ZC3H12B: variants seen among roughly 807,000 people sequenced by gnomAD.
ZC3H12B encodes the protein probable ribonuclease ZC3H12B.
Under a neutral mutation model 43.9 loss-of-function variants are expected in ZC3H12B, and 7 were observed. That is an observed-to-expected ratio of 0.16 (90% CI 0.09 to 0.30). The LOEUF (loss-of-function observed/expected upper bound fraction) is 0.30. Ranked by LOEUF, ZC3H12B falls within the 10% of genes least tolerant of loss-of-function variation. The pLI is 1.00. For synonymous variants in ZC3H12B, 222 were observed against 241.7 expected, an observed-to-expected ratio of 0.92 and a Z score of 0.76; for missense variants, 475 against 670.2, an observed-to-expected ratio of 0.71 and a Z score of 3.22.
At chrX:65,177,799 T>C in the ZC3H12B span, among the ~76,000 whole-genome samples, 1 of 112,049 alleles carries the variant, frequency 8.9e-6, no homozygotes, top group East Asian at 2.8e-4. Context: ...GGAAAAACAT[T>C]CCATGCTCAT....
chrX:65,507,545 GT>G (rs2068438151), exon 5 of ZC3H12B: 1 of 112,247 alleles, frequency 8.9e-6, no homozygotes, highest in African/African-American at 3.2e-5. Context: ...AGCTATAGTA[GT>G]TTGCTTTATC....
the ZC3H12B span, among the ~76,000 whole-genome samples, chrX:65,118,300 A>T: frequency 9.0e-6 from 1 of 111,427 alleles, no homozygotes; most frequent in Non-Finnish European, 1.9e-5. Context: ...TTGGATTCTT[A>T]GGTATTTTAT....
At chrX:65,503,678 A>C (rs2068398856) in exon 5 of ZC3H12B, 1 of 108,801 alleles carries the variant, frequency 9.2e-6, no homozygotes, top group South Asian at 3.9e-4. Context: ...GTGCAGTGGC[A>C]CTATCTCTGC....
At chrX:65,112,633 A>C in the ZC3H12B span, among the ~76,000 whole-genome samples, 5 of 111,819 alleles carry the variant, frequency 4.5e-5, no homozygotes, top group Non-Finnish European at 9.4e-5. Flanking sequence ...AGCTCTATAG[A>C]TGGAACTATA....
At chrX:65,057,353 G>T in the ZC3H12B span, among the ~76,000 whole-genome samples, 1 of 111,392 alleles carries the variant, frequency 9.0e-6, no homozygotes, top group African/African-American at 3.3e-5. Context: ...AGCTTAGTTT[G>T]GCTGGATATG....
the ZC3H12B span, among the ~76,000 whole-genome samples, chrX:65,288,026 G>T: frequency 3.0e-5 from 3 of 99,420 alleles, no homozygotes; most frequent in Non-Finnish European, 5.7e-5. Flanking sequence ...AGACTATTAT[G>T]AACAGCTACA....
chrX:65,047,856 A>G, the ZC3H12B span, among the ~76,000 whole-genome samples: 2 of 110,347 alleles, frequency 1.8e-5, no homozygotes, highest in Non-Finnish European at 1.9e-5. Flanking sequence ...TTTAATTGGT[A>G]TATTTAGACT....
chrX:65,449,251 C>T (rs776098035), intron 3 of ZC3H12B, among the ~76,000 whole-genome samples: 7 of 110,796 alleles, frequency 6.3e-5, no homozygotes, highest in Non-Finnish European at 9.5e-5. Context: ...CACCATGGCA[C>T]ACGTTTATCT....
At chrX:65,346,464 C>A in the ZC3H12B span, among the ~76,000 whole-genome samples, 1 of 111,137 alleles carries the variant, frequency 9.0e-6, no homozygotes, top group African/African-American at 3.3e-5. Context: ...TCACTATATA[C>A]AAAAAGTAAC....
intron 3 of ZC3H12B, among the ~76,000 whole-genome samples, chrX:65,466,135 C>T (rs1056900892): frequency 4.4e-4 from 49 of 110,495 alleles, no homozygotes; most frequent in African/African-American, 1.5e-3. Context: ...AAACTTTATA[C>T]CCCTTGACAG....
the ZC3H12B span, among the ~76,000 whole-genome samples, chrX:65,146,906 G>T: frequency 2.7e-5 from 3 of 111,581 alleles, no homozygotes; most frequent in Admixed American, 9.5e-5. Flanking sequence ...GCAGGGGTCT[G>T]TGGGTCCTCT....
the ZC3H12B span, among the ~76,000 whole-genome samples, chrX:65,105,538 G>C: frequency 9.0e-6 from 1 of 111,669 alleles, no homozygotes; most frequent in Non-Finnish European, 1.9e-5. Context: ...GCCCAGGACT[G>C]AGATCTAGAC....
intron 3 of ZC3H12B, among the ~76,000 whole-genome samples, chrX:65,465,446 A>G (rs756495159): frequency 1.8e-5 from 2 of 110,872 alleles, no homozygotes; most frequent in South Asian, 7.5e-4. Flanking sequence ...TACTGTTTGC[A>G]TGGCATATCT....
At chrX:65,469,328 T>A (rs1345173888) in intron 3 of ZC3H12B, 1 of 369,758 alleles carries the variant, frequency 2.7e-6, no homozygotes. Context: ...TCATTGATGT[T>A]ATAGAGTCTG....
At chrX:65,490,931 G>C (rs888868898) in intron 1 of ZC3H12B, among the ~76,000 whole-genome samples, 1 of 111,045 alleles carries the variant, frequency 9.0e-6, no homozygotes, top group Non-Finnish European at 1.9e-5. Flanking sequence ...ACATGAGAGA[G>C]TGGGGATGGG....
At chrX:65,253,629 G>A in the ZC3H12B span, among the ~76,000 whole-genome samples, 1 of 104,611 alleles carries the variant, frequency 9.6e-6, no homozygotes, top group Non-Finnish European at 1.9e-5. Context: ...CTACCTGATA[G>A]CCCCCCTGTC....
chrX:65,232,080 A>C, the ZC3H12B span, among the ~76,000 whole-genome samples: 1 of 74,848 alleles, frequency 1.3e-5, no homozygotes, highest in African/African-American at 3.4e-4. Flanking sequence ...CTAACAATAC[A>C]AAAAAAAAAA....
At chrX:65,453,573 T>G (rs1431778928) in intron 3 of ZC3H12B, among the ~76,000 whole-genome samples, 2 of 104,287 alleles carry the variant, frequency 1.9e-5, no homozygotes, top group Non-Finnish European at 3.9e-5. Context: ...AATACAAAAA[T>G]CATCTGGGTG....
the ZC3H12B span, among the ~76,000 whole-genome samples, chrX:65,269,482 A>T: frequency 9.0e-6 from 1 of 110,878 alleles, no homozygotes. Context: ...AAATTAAAAT[A>T]CTGAGGAATA....
Sources: gnomAD v4.1 joint callset for allele counts (sites outside exome capture counted in the v4.1 genomes callset) on GRCh38, gnomAD v4.1.1 for gene constraint, MANE v1.5 for transcripts, NCBI Gene and HGNC (gene_info 2026-07-23, HGNC 2026-07-21) for gene names.